The following MTHFD1L variants were observed in gnomAD, a reference collection of about 807,000 sequenced individuals.
MTHFD1L encodes the protein methylenetetrahydrofolate dehydrogenase (NADP+ dependent) 1 like, also known as monofunctional C1-tetrahydrofolate synthase, mitochondrial.
A neutral mutation model predicts 119.5 loss-of-function variants in MTHFD1L; 81 were observed. That is an observed-to-expected ratio of 0.68 (90% CI 0.57 to 0.82). MTHFD1L has a LOEUF of 0.82. Ranked by LOEUF, MTHFD1L falls within the 40% of genes least tolerant of loss-of-function variation. The probability of loss-of-function intolerance (pLI) is 0.00; values close to 1 mark genes in which losing one functional copy is unlikely to be tolerated. For synonymous variants in MTHFD1L, 430 were observed against 475.2 expected (o/e 0.90, Z 1.24); for missense variants, 1,125 against 1,253.4 (o/e 0.90, Z 1.55).
intron 24 of MTHFD1L, among the ~76,000 whole-genome samples, chr6:151,027,910 T>TTA (rs1356433627): frequency 6.6e-6 from 1 of 152,066 alleles, no homozygotes. Flanking sequence ...GGCTGCAGGG[T>TTA]TGTAGCTCAG....
chr6:151,010,800 A>G (rs908037418), intron 21 of MTHFD1L, among the ~76,000 whole-genome samples: 3 of 152,228 alleles, frequency 2.0e-5, no homozygotes, highest in Non-Finnish European at 4.4e-5. Flanking sequence ...TAATATTCAC[A>G]TATGAGACGA....
intron 20 of MTHFD1L, among the ~76,000 whole-genome samples, chr6:150,973,129 G>A (rs1348545351): frequency 1.3e-5 from 2 of 152,174 alleles, no homozygotes; most frequent in East Asian, 1.9e-4. Flanking sequence ...ACCTATAATC[G>A]GAGACAGCAA....
chr6:151,014,369 G>A (rs1782705000), intron 22 of MTHFD1L, among the ~76,000 whole-genome samples: 1 of 152,172 alleles, frequency 6.6e-6, no homozygotes, highest in Admixed American at 6.5e-5. Flanking sequence ...AGGAACTCAA[G>A]GTCTCCAGGT....
chr6:150,866,444 A>G, intron 1 of MTHFD1L: 1 of 1,319,454 alleles, frequency 7.6e-7, no homozygotes, highest in Non-Finnish European at 9.6e-7. Flanking sequence ...GAGCAGGAGG[A>G]GGGCGGGGCT....
At chr6:151,037,672 T>G (rs550785330) in intron 26 of MTHFD1L, among the ~76,000 whole-genome samples, 2 of 152,328 alleles carry the variant, frequency 1.3e-5, no homozygotes, top group East Asian at 3.9e-4. Flanking sequence ...TATTCTGTTA[T>G]TTTGTGTTAT....
chr6:150,868,228 A>G (rs907363866), intron 1 of MTHFD1L, among the ~76,000 whole-genome samples: 3 of 152,200 alleles, frequency 2.0e-5, no homozygotes, highest in Non-Finnish European at 4.4e-5. Context: ...GAGGAGTAAC[A>G]GTACTTACCT....
chr6:150,922,385 C>T, intron 10 of MTHFD1L, 83 bp downstream of exon 10: 2 of 1,063,548 alleles, frequency 1.9e-6, no homozygotes, highest in East Asian at 4.9e-5. Flanking sequence ...AAGCACAACT[C>T]ATGGTACTGT....
chr6:150,892,329 C>T (rs190176082), intron 7 of MTHFD1L, among the ~76,000 whole-genome samples: 23 of 152,266 alleles, frequency 1.5e-4, no homozygotes, highest in Admixed American at 7.2e-4. Context: ...TTTTTTATTA[C>T]GGGAATAAAT....
rs562249600 is a variant in MTHFD1L, at chr6:151,021,176, T to G, written c.2586+5483T>G. ...GCATCCTCATTTGTACAATGGTGTC[T>G]GACAGTGACACCAACTTCACCAAGT... On this transcript the variant is annotated intron_variant, in intron 24 of 27. Coordinates refer to ENST00000367321, the MANE Select transcript of MTHFD1L (RefSeq NM_015440.5). Among the ~76,000 whole-genome samples, 95 of 152,290 alleles carry G rather than the reference T, an allele frequency of 6.2e-4. 1 individual carries two copies. The highest frequency in any genetic ancestry group is 1.2e-3 in the South Asian group (6 of 4,812).
rs145639602 is a variant in MTHFD1L at position 151,014,793 on chromosome 6, G to GC, written c.2308-85dup. On this transcript the variant is annotated intron_variant, in intron 22 of 27. Coordinates refer to ENST00000367321, the MANE Select transcript of MTHFD1L (RefSeq NM_015440.5). ...AGTGAAAAAAGATGTAGCAAATCCT[G>GC]CCAGAGAGGTGCTGGCAGTTTAGCT... is the stretch of plus-strand genomic sequence containing the variant. 15,498 of 910,026 alleles carry GC rather than the reference G, an allele frequency of 0.017. 1,635 individuals are homozygous for GC. In the African/African-American group the frequency reaches 0.23, roughly 13 times the overall value. The allele number at this position is 910,026 out of a possible 1,614,324, so 56.4% of individuals were successfully genotyped here.
chr6:150,900,180 A>C (rs560595109), intron 7 of MTHFD1L, among the ~76,000 whole-genome samples: 1 of 152,110 alleles, frequency 6.6e-6, no homozygotes, highest in Non-Finnish European at 1.5e-5. Context: ...AGTCACCAGT[A>C]GTTCCTAATT....
At chr6:150,922,785 A>G (rs1015611160) in intron 10 of MTHFD1L, among the ~76,000 whole-genome samples, 4 of 151,760 alleles carry the variant, frequency 2.6e-5, no homozygotes, top group African/African-American at 9.7e-5. Context: ...CTGAGATTAC[A>G]GGTGCACGCC....
intron 11 of MTHFD1L, among the ~76,000 whole-genome samples, chr6:150,931,741 C>T (rs1274242455): frequency 3.3e-5 from 5 of 152,222 alleles, no homozygotes; most frequent in Non-Finnish European, 4.4e-5. Flanking sequence ...TACCACTTCT[C>T]TCTGGATAAG....
chr6:150,927,278 G>A (rs530458237), intron 11 of MTHFD1L, among the ~76,000 whole-genome samples: 66 of 152,048 alleles, frequency 4.3e-4, no homozygotes, highest in East Asian at 1.4e-3. Context: ...GTTGACCTGC[G>A]AGGACTGTTT....
chr6:150,876,198 C>T (rs1243174456), intron 2 of MTHFD1L, 24 bp downstream of exon 2: 1 of 1,513,952 alleles, frequency 6.6e-7, no homozygotes, highest in Non-Finnish European at 8.9e-7. Context: ...AAGGTTCAGT[C>T]CTACTATTTT....
At position 150,916,737 on chromosome 6, in the gene MTHFD1L, C is replaced by CTT. The variant is rs57961829; in HGVS notation, c.893-1799_893-1798dup. ...TTTTGATGGAAAATTGATTCTATCC[C>CTT]TTTTTTTTTTTTTTTTTTTTTTTTT... On this transcript the variant is annotated intron_variant, in intron 8 of 27. Coordinates refer to ENST00000367321, the MANE Select transcript of MTHFD1L (RefSeq NM_015440.5). 1.1e-3 allele frequency among the ~76,000 whole-genome samples: 78 copies of CTT among 72,086 alleles called. 2 individuals carry two copies. The highest frequency in any genetic ancestry group is 1.6e-3 in the Non-Finnish European group (56 of 34,672). 47.3% of individuals were successfully genotyped at this position (72,086 alleles called of 152,430 possible).
At chr6:151,054,558 C>T (rs1008840360) in intron 26 of MTHFD1L, among the ~76,000 whole-genome samples, 4 of 152,172 alleles carry the variant, frequency 2.6e-5, no homozygotes, top group African/African-American at 7.2e-5. Context: ...TCAGTGCTCT[C>T]TACGTCATTA....
chr6:151,011,792 G>A (rs1226286666), intron 21 of MTHFD1L, among the ~76,000 whole-genome samples: 2 of 151,936 alleles, frequency 1.3e-5, no homozygotes, highest in Admixed American at 6.6e-5. Context: ...GCCAGGCGTG[G>A]TGGCTCATGC....
rs572384745 is a variant in MTHFD1L, at chr6:151,015,654, G to C, written c.2547G>C (p.Ala849=). 1 of 1,614,004 alleles carries C rather than the reference G, an allele frequency of 6.2e-7. No homozygotes were observed. Among genetic ancestry groups the C allele is most frequent in the Non-Finnish European group, 8.5e-7 (1 of 1,179,984 alleles). The change falls in exon 24 of 28, where the codon GCG becomes GCC. Residue 849 remains alanine (A), a synonymous_variant. Coordinates refer to ENST00000367321, the MANE Select transcript of MTHFD1L (RefSeq NM_015440.5). The stretch of plus-strand genomic sequence containing the variant: ...TGGCTCGGGCTGTGAGAGAGGCTGC[G>C]AGTAAAAGAAGCCGATTCCAGTTCC... ...VDLARAVREA[A]SKRSRFQFLY... is the part of the protein sequence containing the mutation.
Sources: gnomAD v4.1 joint callset for allele counts (sites outside exome capture counted in the v4.1 genomes callset) on GRCh38, gnomAD v4.1.1 for gene constraint, MANE v1.5 for transcripts, NCBI Gene and HGNC (gene_info 2026-07-23, HGNC 2026-07-21) for gene names.